MAPKBP1: variants seen among roughly 807,000 people sequenced by gnomAD.
The protein encoded by MAPKBP1 is mitogen-activated protein kinase binding protein 1, also known as mitogen-activated protein kinase-binding protein 1.
In MAPKBP1, 71 loss-of-function variants were observed where a neutral mutation model predicts 170.5. The observed-to-expected ratio is 0.42, with a 90% CI of 0.34 to 0.51. MAPKBP1 has a LOEUF of 0.51. Ranked by LOEUF, MAPKBP1 falls within the 20% of genes least tolerant of loss-of-function variation. The pLI, the probability that MAPKBP1 is intolerant of heterozygous loss-of-function variation, is 0.06. For missense variants in MAPKBP1, 1,598 were observed against 1,933.0 expected (o/e 0.83, Z 3.25); for synonymous variants, 719 against 757.9 (o/e 0.95, Z 0.84).
chr15:41,796,102 T>A (rs1402287716), intron 2 of MAPKBP1, among the ~76,000 whole-genome samples: 1 of 152,162 alleles, frequency 6.6e-6, no homozygotes, highest in Non-Finnish European at 1.5e-5. Context: ...TTTGGAAGAT[T>A]TGTGAGCCTT....
intron 3 of MAPKBP1, among the ~76,000 whole-genome samples, chr15:41,800,766 C>G (rs925061015): frequency 2.6e-5 from 4 of 151,560 alleles, no homozygotes; most frequent in Admixed American, 2.0e-4. Context: ...CTGTATTTGG[C>G]CTTTTGTAAC....
intron 2 of MAPKBP1, among the ~76,000 whole-genome samples, chr15:41,794,802 A>G (rs2064458461): frequency 6.6e-6 from 1 of 152,220 alleles, no homozygotes; most frequent in Non-Finnish European, 1.5e-5. Flanking sequence ...ACAGACAGGC[A>G]GTAGTAAGTA....
intron 6 of MAPKBP1, 103 bp from the exon 7 acceptor site, chr15:41,812,413 C>T (rs1304988951): frequency 4.7e-6 from 7 of 1,496,434 alleles, no homozygotes; most frequent in Admixed American, 1.7e-5. Flanking sequence ...TGGAAAGAAA[C>T]ACTTTGTCAA....
Position 41,821,597 on chromosome 15 carries a change from C to T in MAPKBP1, c.2732C>T (p.Pro911Leu), listed in dbSNP as rs267604193. 1.2e-6 allele frequency: 2 copies of T among 1,613,772 alleles called. No individual in the cohort carries two copies. The highest frequency in any genetic ancestry group is 1.7e-6 in the Non-Finnish European group (2 of 1,179,910). ...TSLTSQNEKPPRPQASQPCSY... is the reference protein window; with the variant it reads ...TSLTSQNEKPLRPQASQPCSY... Reference sequence around the variant, plus strand: ...GTGTGTTCCCAGAATGAAAAGCCCCCTCGGCCTCAGGCTTCCCAACCTTGT... The same window carrying T: ...GTGTGTTCCCAGAATGAAAAGCCCCTTCGGCCTCAGGCTTCCCAACCTTGT... The change falls in exon 24 of 31, where the codon CCT becomes CTT. Residue 911 changes from proline (P) to leucine (L), a missense_variant. Around this residue, in one of 6 missense-constraint regions of MAPKBP1, gnomAD observed 942 missense variants for 953.2 expected, o/e 0.99. Coordinates refer to ENST00000457542, the MANE Select transcript of MAPKBP1 (RefSeq NM_014994.3).
intron 2 of MAPKBP1, among the ~76,000 whole-genome samples, chr15:41,795,600 TTTATTTAC>T (rs1193295082): frequency 1.3e-5 from 2 of 152,038 alleles, no homozygotes; most frequent in Non-Finnish European, 2.9e-5. Flanking sequence ...TTTATTTTTA[TTTATTTAC>T]TTATTTATTT....
chr15:41,822,737 TG>T, intron 27 of MAPKBP1, 60 bp downstream of exon 27: 1 of 1,575,124 alleles, frequency 6.3e-7, no homozygotes, highest in Non-Finnish European at 8.7e-7. Flanking sequence ...CCAGGGCTGC[TG>T]CCCTCTCCTC....
rs2065014051 is a variant in MAPKBP1 at position 41,822,355 on chromosome 15, C to T, written c.3162C>T (p.Pro1054=). The T allele has an allele frequency of 1.2e-6, 2 of 1,613,966 alleles. No individual in the cohort carries two copies. Among genetic ancestry groups the T allele is most frequent in the South Asian group, 2.2e-5 (2 of 91,088 alleles). The change falls in exon 26 of 31, where the codon CCC becomes CCT. Residue 1054 remains proline (P), a synonymous_variant. Coordinates refer to ENST00000457542, the MANE Select transcript of MAPKBP1 (RefSeq NM_014994.3). ...MGPYGLQEGS[P]QTPDQEQFLK... ...CCTATGGGCTACAGGAGGGCAGCCC[C>T]CAGACTCCAGACCAGGAGCAGTTTC...
intron 3 of MAPKBP1, among the ~76,000 whole-genome samples, chr15:41,806,484 T>TAC (rs2064696601): frequency 1.3e-5 from 2 of 152,270 alleles, no homozygotes; most frequent in East Asian, 3.9e-4. Flanking sequence ...AGGAGGTGGA[T>TAC]CCTATGGGAA....
chr15:41,819,557 G>GGGGGGGGGGGGGGGGGGGGGGA, intron 21 of MAPKBP1, 38 bp from the exon 22 acceptor site: 1 of 1,384,690 alleles, frequency 7.2e-7, no homozygotes. Context: ...CGGGGGGGGG[G>GGGGGGGGGGGGGGGGGGGGGGA]CAGGAGACAC....
chr15:41,810,815 G>C, intron 3 of MAPKBP1, 68 bp from the exon 4 acceptor site: 1 of 1,367,754 alleles, frequency 7.3e-7, no homozygotes, highest in Non-Finnish European at 1.0e-6. Context: ...GGAAGTCCTG[G>C]GTGGCCTGGA....
At position 41,823,483 on chromosome 15, in the gene MAPKBP1, G is replaced by A. The variant is rs938611917; in HGVS notation, c.3635G>A (p.Gly1212Asp). 7 of 1,613,916 alleles carry A rather than the reference G, an allele frequency of 4.3e-6. No homozygotes were observed. Among genetic ancestry groups the A allele is most frequent in the Middle Eastern group, 1.6e-4 (1 of 6,062 alleles). ...HEASLQAPSP[G>D]ALLSREIEAQ... The stretch of plus-strand genomic sequence containing the variant: ...GCCAGTCTGCAGGCCCCTTCACCAG[G>A]CGCACTGCTGTCTCGGGAGATCGAA... Residue 1212 changes from glycine (G) to aspartate (D), a missense_variant, in exon 29 of 31, where the codon GGC (glycine) becomes GAC (aspartate). Around this residue, in one of 6 missense-constraint regions of MAPKBP1, gnomAD observed 942 missense variants for 953.2 expected, o/e 0.99. Coordinates refer to ENST00000457542, the MANE Select transcript of MAPKBP1 (RefSeq NM_014994.3).
rs1251193694 is a variant in MAPKBP1, at chr15:41,822,070, C to T, written c.2991C>T (p.Tyr997=). Residue 997 remains tyrosine (Y), a synonymous_variant, in exon 25 of 31, where the codon TAC becomes TAT. Transcript: ENST00000457542. ...CTGACAGTGCCTGCTCTGTGGATTA[C>T]AGCAGCAGCTGCCTTTCCAGCCCGG... is the stretch of plus-strand genomic sequence containing the variant. ...HSPDSACSVD[Y]SSSCLSSPEH... is the part of the protein sequence containing the mutation. 2.5e-6 allele frequency: 4 copies of T among 1,608,798 alleles called. No homozygotes were observed. The highest frequency in any genetic ancestry group is 3.4e-6 in the Non-Finnish European group (4 of 1,177,558).
chr15:41,814,954 A>G (rs912138382), intron 10 of MAPKBP1, among the ~76,000 whole-genome samples: 1 of 152,186 alleles, frequency 6.6e-6, no homozygotes, highest in Non-Finnish European at 1.5e-5. Context: ...CATCTTGGAC[A>G]AGTTATTGAA....
chr15:41,800,280 T>C (rs1026556783), intron 3 of MAPKBP1, among the ~76,000 whole-genome samples: 1 of 152,220 alleles, frequency 6.6e-6, no homozygotes, highest in African/African-American at 2.4e-5. Context: ...TTCAGTAGTT[T>C]TTTAGTATAT....
In MAPKBP1 at chr15:41,816,897, C is replaced by T. The variant is rs775290469; in HGVS notation, c.1586-13C>T. ...AGGGCACTCATGGGCTGATGGAGTT[C>T]TTTCATCCCCAGGTCTGAAACTGCT... On this transcript the variant is annotated splice_polypyrimidine_tract_variant and intron_variant, in intron 13 of 30. Coordinates refer to ENST00000457542, the MANE Select transcript of MAPKBP1 (RefSeq NM_014994.3). The T allele has an allele frequency of 6.3e-7, 1 of 1,595,912 alleles. No individual in the cohort carries two copies. The highest frequency in any genetic ancestry group is 2.2e-5 in the East Asian group (1 of 44,702).
Position 41,817,933 on chromosome 15 carries a change from A to C in MAPKBP1, c.1905-76A>C, listed in dbSNP as rs942735842. The C allele has an allele frequency of 6.5e-7, 1 of 1,549,694 alleles. No individual in the cohort carries two copies. The highest frequency in any genetic ancestry group is 8.9e-7 in the Non-Finnish European group (1 of 1,122,580). ...CCCAGAGAGTGTAGACTGGGAGTGAAAGCTGGCATTTCCATCCCCCAGGCG... is the reference window on the plus strand; with the variant it reads ...CCCAGAGAGTGTAGACTGGGAGTGACAGCTGGCATTTCCATCCCCCAGGCG... On this transcript the variant is annotated intron_variant, in intron 16 of 30. Coordinates refer to ENST00000457542, the MANE Select transcript of MAPKBP1 (RefSeq NM_014994.3). The surrounding 1 kb of genome is among the most constrained non-coding windows in gnomAD (Gnocchi z 4.2).
intron 2 of MAPKBP1, among the ~76,000 whole-genome samples, chr15:41,794,279 C>T (rs2064446932): frequency 6.6e-6 from 1 of 152,148 alleles, no homozygotes; most frequent in Non-Finnish European, 1.5e-5. Context: ...CATACTCTTT[C>T]CCTCCACATT....
chr15:41,806,899 C>T (rs564578004), intron 3 of MAPKBP1, among the ~76,000 whole-genome samples: 1 of 152,202 alleles, frequency 6.6e-6, no homozygotes, highest in African/African-American at 2.4e-5. Context: ...GAGAACAGGT[C>T]AGGAGGGCCT....
intron 2 of MAPKBP1, among the ~76,000 whole-genome samples, chr15:41,788,890 G>A (rs1451256547): frequency 6.6e-6 from 1 of 152,198 alleles, no homozygotes; most frequent in Non-Finnish European, 1.5e-5. Flanking sequence ...GGAGGAAAGA[G>A]TCTATAGTAA....
Sources: gnomAD v4.1 joint callset for allele counts (sites outside exome capture counted in the v4.1 genomes callset) on GRCh38, gnomAD v4.1.1 for gene constraint, gnomAD v4.1.1 regional missense constraint, Gnocchi (gnomAD v3.1) non-coding constraint, MANE v1.5 for transcripts, NCBI Gene and HGNC (gene_info 2026-07-23, HGNC 2026-07-21) for gene names.